Variants in RBFOX1 observed in about 807,000 individuals in gnomAD.
RBFOX1 encodes RNA binding fox-1 homolog 1, also known as RNA binding protein fox-1 homolog 1.
A neutral mutation model predicts 57.7 loss-of-function variants in RBFOX1; 8 were observed. The observed-to-expected ratio is 0.14, with a 90% CI of 0.08 to 0.25. RBFOX1 has a LOEUF of 0.25. RBFOX1 is among the 10% of genes least tolerant of loss of function. The pLI, the probability that RBFOX1 is intolerant of heterozygous loss-of-function variation, is 1.00. For synonymous variants in RBFOX1, 326 were observed against 222.4 expected (o/e 1.47, Z -4.15); for missense variants, 611 against 548.5 (o/e 1.11, Z -1.14).
At chr16:6,183,977 A>G (rs2097087810) in intron 1 of RBFOX1, among the ~76,000 whole-genome samples, 1 of 152,186 alleles carries the variant, frequency 6.6e-6, no homozygotes, top group African/African-American at 2.4e-5. Flanking sequence ...TAAAGAAAAA[A>G]GTGGTTTAAT....
intron 1 of RBFOX1, among the ~76,000 whole-genome samples, chr16:5,401,204 G>C: frequency 6.6e-6 from 1 of 152,212 alleles, no homozygotes; most frequent in South Asian, 2.1e-4. Context: ...TTTATAGTCA[G>C]TTTTTACTTT....
intron 4 of RBFOX1, among the ~76,000 whole-genome samples, chr16:5,919,191 G>T (rs1460526122): frequency 6.6e-6 from 1 of 152,140 alleles, no homozygotes; most frequent in African/African-American, 2.4e-5. Flanking sequence ...TTCAGTGAAG[G>T]TCAGGCTGAC....
At chr16:6,915,063 C>G (rs750981951) in intron 3 of RBFOX1, among the ~76,000 whole-genome samples, 1 of 152,194 alleles carries the variant, frequency 6.6e-6, no homozygotes, top group Non-Finnish European at 1.5e-5. Context: ...GCAGAACATT[C>G]CTCAGTTGAC....
intron 3 of RBFOX1, among the ~76,000 whole-genome samples, chr16:6,852,952 T>G (rs1315149899): frequency 6.6e-6 from 1 of 152,188 alleles, no homozygotes; most frequent in Non-Finnish European, 1.5e-5. Flanking sequence ...GGGACTGTGT[T>G]GATGACATCA....
At chr16:6,419,276 G>A (rs2093709870) in intron 2 of RBFOX1, among the ~76,000 whole-genome samples, 1 of 152,012 alleles carries the variant, frequency 6.6e-6, no homozygotes, top group Non-Finnish European at 1.5e-5. Flanking sequence ...GTATCGTATT[G>A]CAGAGTCATT....
chr16:7,274,733 G>A (rs375084468), intron 4 of RBFOX1, among the ~76,000 whole-genome samples: 2 of 152,008 alleles, frequency 1.3e-5, no homozygotes, highest in East Asian at 3.9e-4. Flanking sequence ...CACCCAAGCT[G>A]CAGTGCAGTA....
intron 1 of RBFOX1, among the ~76,000 whole-genome samples, chr16:6,029,512 G>C (rs181201680): frequency 1.3e-5 from 2 of 152,122 alleles, no homozygotes; most frequent in African/African-American, 4.8e-5. Flanking sequence ...GGTGGCTCAC[G>C]CCTGTAATCC....
chr16:7,267,484 C>T (rs987310032), intron 4 of RBFOX1, among the ~76,000 whole-genome samples: 1 of 151,804 alleles, frequency 6.6e-6, no homozygotes, highest in Non-Finnish European at 1.5e-5. Context: ...TGCAGCGAGC[C>T]AAGGTTGCAC....
Position 7,709,038 on chromosome 16 carries a change from C to T in RBFOX1, c.996-18C>T, listed in dbSNP as rs768320667. The stretch of plus-strand genomic sequence containing the variant: ...ATTGCATACTGTGGATCAATCTTCA[C>T]CTCTATTTTCCTTTCAGTTACGGAC... On this transcript the variant is annotated intron_variant, in intron 14 of 15. Transcript: ENST00000550418. 5.6e-6 allele frequency: 9 copies of T among 1,601,664 alleles called. No individual in the cohort carries two copies. The highest frequency in any genetic ancestry group is 7.7e-6 in the Non-Finnish European group (9 of 1,168,914).
chr16:7,399,282 T>C (rs1274478496), intron 4 of RBFOX1, among the ~76,000 whole-genome samples: 1 of 152,134 alleles, frequency 6.6e-6, no homozygotes, highest in Non-Finnish European at 1.5e-5. Flanking sequence ...ACCCCATCTC[T>C]ACTAAAAATA....
At chr16:7,258,900 G>A (rs1231886167) in intron 4 of RBFOX1, among the ~76,000 whole-genome samples, 1 of 152,108 alleles carries the variant, frequency 6.6e-6, no homozygotes, top group East Asian at 1.9e-4. Flanking sequence ...AGTTTGCAGT[G>A]GTCCTCTGGT....
intron 3 of RBFOX1, among the ~76,000 whole-genome samples, chr16:6,744,658 T>C (rs1336838964): frequency 6.6e-6 from 1 of 152,052 alleles, no homozygotes; most frequent in Non-Finnish European, 1.5e-5. Context: ...AAAATATACA[T>C]AAGACATATC....
At chr16:6,684,763 A>C (rs768645277) in intron 3 of RBFOX1, among the ~76,000 whole-genome samples, 11 of 152,234 alleles carry the variant, frequency 7.2e-5, no homozygotes, top group Non-Finnish European at 1.5e-4. Context: ...CTGGTCAGCA[A>C]AGTAATTGAA....
intron 4 of RBFOX1, among the ~76,000 whole-genome samples, chr16:7,312,326 G>C (rs553672777): frequency 6.6e-6 from 1 of 152,240 alleles, no homozygotes; most frequent in East Asian, 1.9e-4. Flanking sequence ...GTAGCAGTGA[G>C]CCGAGATCGC....
chr16:5,485,193 A>C (rs2069683929), intron 2 of RBFOX1, among the ~76,000 whole-genome samples: 1 of 151,680 alleles, frequency 6.6e-6, no homozygotes. Context: ...AAAAATACAA[A>C]AAATTAGCCT....
At chr16:7,461,234 C>T (rs540320527) in intron 4 of RBFOX1, among the ~76,000 whole-genome samples, 43 of 151,824 alleles carry the variant, frequency 2.8e-4, no homozygotes, top group African/African-American at 8.9e-4. Context: ...GTGGCACTAT[C>T]TCGGCTCACT....
intron 1 of RBFOX1, among the ~76,000 whole-genome samples, chr16:5,450,862 G>A (rs999637991): frequency 3.3e-5 from 5 of 152,302 alleles, no homozygotes; most frequent in East Asian, 1.9e-4. Context: ...GGGGTAACAT[G>A]TCCAGGCTTT....
intron 2 of RBFOX1, among the ~76,000 whole-genome samples, chr16:6,357,014 C>A (rs1339011591): frequency 6.6e-6 from 1 of 152,154 alleles, no homozygotes; most frequent in East Asian, 1.9e-4. Context: ...TGGGCCAAGA[C>A]TGAACTGTGA....
In RBFOX1 at chr16:6,039,009, CAAAAAAAAAAAAAA is replaced by C. The variant is rs754708262; in HGVS notation, c.-127+19029_-127+19042del. On this transcript the variant is annotated intron_variant, in intron 1 of 15. Coordinates refer to ENST00000550418, the MANE Select transcript of RBFOX1 (RefSeq NM_018723.4). ...TGCTCTCTTCATGTATGCTGGTTTG[CAAAAAAAAAAAAAA>C]AAAAAAAAAAAGTAGAAAAATTAAA... The C allele has an allele frequency of 6.3e-5, 3 of 47,768 alleles. No individual in the cohort carries two copies. In the Admixed American group the frequency reaches 7.5e-4, roughly 12 times the overall value. The allele number at this position is 47,768 out of a possible 1,614,324, so 3.0% of individuals were successfully genotyped here.
Sources: allele counts gnomAD v4.1 joint callset (sites outside exome capture counted in the v4.1 genomes callset), GRCh38; gene constraint gnomAD v4.1.1; transcripts MANE v1.5; gene names NCBI Gene and HGNC (gene_info 2026-07-23, HGNC 2026-07-21).